RFX4: variants seen among roughly 807,000 people sequenced by gnomAD.
The protein encoded by RFX4 is regulatory factor X4.
Under a neutral mutation model 95.0 loss-of-function variants are expected in RFX4, and 10 were observed. The observed-to-expected ratio is 0.11, with a 90% CI of 0.06 to 0.18. The LOEUF is 0.18. RFX4 is among the 10% of genes least tolerant of loss of function. The probability of loss-of-function intolerance (pLI) is 1.00; values close to 1 mark genes in which losing one functional copy is unlikely to be tolerated. For missense variants in RFX4, 640 were observed against 922.0 expected (o/e 0.69, Z 3.96); for synonymous variants, 321 against 340.7 (o/e 0.94, Z 0.64).
chr12:106,707,995 G>C (rs545128009), intron 8 of RFX4, among the ~76,000 whole-genome samples: 3 of 152,122 alleles, frequency 2.0e-5, no homozygotes, highest in Non-Finnish European at 4.4e-5. Flanking sequence ...TTAGCTGAGC[G>C]TGGTGGTGTG....
intron 2 of RFX4, among the ~76,000 whole-genome samples, chr12:106,621,642 T>C (rs1461734090): frequency 1.3e-5 from 2 of 152,242 alleles, no homozygotes; most frequent in Admixed American, 6.5e-5. Context: ...TGAGGGGTAA[T>C]TTGAATACAA....
chr12:106,750,633 C>A, intron 16 of RFX4, 22 bp from the exon 17 acceptor site: 1 of 1,573,190 alleles, frequency 6.4e-7, no homozygotes, highest in South Asian at 1.2e-5. Context: ...TCACACTATT[C>A]AATGTGCTTG....
At chr12:106,628,313 G>A (rs557399408) in intron 2 of RFX4, among the ~76,000 whole-genome samples, 8 of 152,294 alleles carry the variant, frequency 5.3e-5, no homozygotes, top group African/African-American at 1.9e-4. Flanking sequence ...CAAAATACTT[G>A]AGGGGAAGGC....
chr12:106,690,813 C>A (rs1251417614), intron 7 of RFX4, among the ~76,000 whole-genome samples: 1 of 152,230 alleles, frequency 6.6e-6, no homozygotes, highest in Non-Finnish European at 1.5e-5. Context: ...CACTGGGCAG[C>A]AGCTTACACT....
At chr12:106,667,492 T>C (rs1259776031) in intron 4 of RFX4, among the ~76,000 whole-genome samples, 2 of 152,224 alleles carry the variant, frequency 1.3e-5, no homozygotes, top group African/African-American at 4.8e-5. Context: ...CTCCTAGAGG[T>C]ACATCTCTCA....
At chr12:106,608,130 A>G (rs1008010482) in intron 1 of RFX4, among the ~76,000 whole-genome samples, 7 of 152,192 alleles carry the variant, frequency 4.6e-5, no homozygotes, top group Non-Finnish European at 2.9e-5. Context: ...CGGAGGTTGC[A>G]GTGAGCCGAG....
chr12:106,665,465 C>A (rs1306889697), intron 4 of RFX4, among the ~76,000 whole-genome samples: 1 of 151,764 alleles, frequency 6.6e-6, no homozygotes, highest in African/African-American at 2.4e-5. Flanking sequence ...TTAATTGATG[C>A]ATTTAGACCA....
intron 3 of RFX4, among the ~76,000 whole-genome samples, chr12:106,653,419 C>T (rs940872838): frequency 1.3e-5 from 2 of 152,158 alleles, no homozygotes. Context: ...CACGTTACCT[C>T]GTCTGATCAT....
intron 7 of RFX4, among the ~76,000 whole-genome samples, chr12:106,694,633 T>G (rs1368799231): frequency 6.6e-6 from 1 of 152,194 alleles, no homozygotes; most frequent in Non-Finnish European, 1.5e-5. Context: ...TGTCTGGCTT[T>G]GGACAACTAA....
At chr12:106,633,593 A>T (rs936290847) in intron 2 of RFX4, among the ~76,000 whole-genome samples, 6 of 152,174 alleles carry the variant, frequency 3.9e-5, no homozygotes, top group African/African-American at 1.4e-4. Context: ...ACATTTTTTT[A>T]GATAAGGGCC....
intron 11 of RFX4, among the ~76,000 whole-genome samples, chr12:106,716,110 G>A (rs111703340): frequency 6.6e-6 from 1 of 152,278 alleles, no homozygotes; most frequent in South Asian, 2.1e-4. Flanking sequence ...CAGGATGTTT[G>A]ATCTTGGTAC....
chr12:106,647,987 G>C (rs1477229095), intron 3 of RFX4, among the ~76,000 whole-genome samples: 2 of 152,166 alleles, frequency 1.3e-5, no homozygotes, highest in Non-Finnish European at 2.9e-5. Context: ...AGCTATTTGA[G>C]CCATAAGCTA....
intron 17 of RFX4, among the ~76,000 whole-genome samples, chr12:106,757,517 C>T (rs905471030): frequency 1.4e-5 from 2 of 147,356 alleles, no homozygotes; most frequent in African/African-American, 5.0e-5. Flanking sequence ...CACTGCACTC[C>T]AGCCTGGGTG....
chr12:106,701,699 T>G (rs907386927), intron 8 of RFX4, among the ~76,000 whole-genome samples: 1 of 152,232 alleles, frequency 6.6e-6, no homozygotes, highest in African/African-American at 2.4e-5. Context: ...CTGTACTTTG[T>G]TTTTATGTCA....
intron 1 of RFX4, among the ~76,000 whole-genome samples, chr12:106,598,651 T>C (rs2039654123): frequency 6.6e-6 from 1 of 152,196 alleles, no homozygotes; most frequent in South Asian, 2.1e-4. Context: ...TGGGTTAAAA[T>C]CTATTTGGCT....
At chr12:106,667,413 T>C (rs2041198720) in intron 4 of RFX4, among the ~76,000 whole-genome samples, 1 of 152,178 alleles carries the variant, frequency 6.6e-6, no homozygotes, top group Non-Finnish European at 1.5e-5. Context: ...AAATGGTTCC[T>C]TTACTCCTTC....
intron 1 of RFX4, among the ~76,000 whole-genome samples, chr12:106,602,195 A>G (rs909268793): frequency 2.0e-5 from 3 of 152,208 alleles, no homozygotes; most frequent in Non-Finnish European, 4.4e-5. Flanking sequence ...TCTCTGCTTC[A>G]GTTGCTGCGA....
intron 7 of RFX4, among the ~76,000 whole-genome samples, chr12:106,694,986 G>A (rs538156087): frequency 4.6e-5 from 7 of 152,026 alleles, no homozygotes; most frequent in South Asian, 2.1e-4. Flanking sequence ...GCAGTGAGCC[G>A]AGACCACACC....
intron 15 of RFX4, 121 bp downstream of exon 15, chr12:106,733,206 C>T (rs1189317533): frequency 4.0e-5 from 44 of 1,104,124 alleles, no homozygotes; most frequent in South Asian, 3.7e-4. Flanking sequence ...CATCTTGGCT[C>T]ACACCTGTAG....
Sources: allele counts gnomAD v4.1 joint callset (sites outside exome capture counted in the v4.1 genomes callset), GRCh38; gene constraint gnomAD v4.1.1; transcripts MANE v1.5; gene names NCBI Gene and HGNC (gene_info 2026-07-23, HGNC 2026-07-21).